LIMCH1: variants seen among roughly 807,000 people sequenced by gnomAD.
The protein encoded by LIMCH1 is LIM and calponin homology domains 1.
A neutral mutation model predicts 176.5 loss-of-function variants in LIMCH1; 113 were observed. The observed-to-expected ratio is 0.64, with a 90% CI of 0.55 to 0.75. LIMCH1 has a LOEUF of 0.75. Ranked by LOEUF, LIMCH1 falls within the 30% of genes least tolerant of loss-of-function variation. The pLI, the probability that LIMCH1 is intolerant of heterozygous loss-of-function variation, is 0.00. For missense variants in LIMCH1, 1,674 were observed against 1,814.9 expected (o/e 0.92, Z 1.41); for synonymous variants, 619 against 645.9 (o/e 0.96, Z 0.63).
At chr4:41,609,132 G>A (rs2091110729) in intron 4 of LIMCH1, among the ~76,000 whole-genome samples, 1 of 152,182 alleles carries the variant, frequency 6.6e-6, no homozygotes, top group African/African-American at 2.4e-5. Context: ...GGGGTGAGGG[G>A]TATTACAGGA....
chr4:41,540,858 CG>C (rs747212566), intron 1 of LIMCH1, among the ~76,000 whole-genome samples: 2 of 152,206 alleles, frequency 1.3e-5, no homozygotes, highest in Non-Finnish European at 2.9e-5. Flanking sequence ...CCCTGATGGA[CG>C]CTGCAGTTGA....
At chr4:41,489,652 G>C (rs1340602352) in intron 1 of LIMCH1, among the ~76,000 whole-genome samples, 3 of 151,750 alleles carry the variant, frequency 2.0e-5, no homozygotes, top group Admixed American at 2.0e-4. Flanking sequence ...AACATATTTT[G>C]TATGAATTCT....
intron 1 of LIMCH1, among the ~76,000 whole-genome samples, chr4:41,471,107 T>G (rs1045088615): frequency 6.6e-6 from 1 of 151,942 alleles, no homozygotes; most frequent in African/African-American, 2.4e-5. Flanking sequence ...GTAGAAATCT[T>G]AAAATAGTCA....
chr4:41,422,161 G>T (rs553271484), intron 1 of LIMCH1, among the ~76,000 whole-genome samples: 1 of 152,034 alleles, frequency 6.6e-6, no homozygotes, highest in Non-Finnish European at 1.5e-5. Flanking sequence ...GCTGTCATTC[G>T]TCAAATATAC....
At chr4:41,476,768 G>A (rs529172682) in intron 1 of LIMCH1, among the ~76,000 whole-genome samples, 1 of 152,272 alleles carries the variant, frequency 6.6e-6, no homozygotes, top group African/African-American at 2.4e-5. Context: ...AGGGGACTGA[G>A]TTGTATATAG....
At chr4:41,682,269 G>A in intron 25 of LIMCH1, 64 bp from the exon 26 acceptor site, 2 of 1,234,616 alleles carry the variant, frequency 1.6e-6, no homozygotes, top group Non-Finnish European at 2.2e-6. Flanking sequence ...TCCCTGGCCA[G>A]AGATAAGGGT....
At chr4:41,540,337 C>T (rs1312746806) in intron 1 of LIMCH1, among the ~76,000 whole-genome samples, 1 of 151,974 alleles carries the variant, frequency 6.6e-6, no homozygotes, top group Non-Finnish European at 1.5e-5. Flanking sequence ...AAATTTGGGA[C>T]CCTTTGAGAT....
intron 7 of LIMCH1, among the ~76,000 whole-genome samples, chr4:41,621,101 G>C (rs556404031): frequency 6.6e-6 from 1 of 152,264 alleles, no homozygotes; most frequent in African/African-American, 2.4e-5. Flanking sequence ...TTGAAATGGG[G>C]AACACTCTCT....
intron 2 of LIMCH1, among the ~76,000 whole-genome samples, chr4:41,603,613 T>C (rs2090286543): frequency 6.6e-6 from 1 of 152,238 alleles, no homozygotes; most frequent in Admixed American, 6.5e-5. Context: ...GATCGGACTT[T>C]TTCTATTTCC....
At chr4:41,554,378 A>G (rs1203494139) in intron 1 of LIMCH1, among the ~76,000 whole-genome samples, 1 of 152,166 alleles carries the variant, frequency 6.6e-6, no homozygotes, top group East Asian at 1.9e-4. Context: ...CTGGTTGGCA[A>G]TGCCAGGCAT....
Position 41,392,410 on chromosome 4 carries a change from A to G in LIMCH1, c.96+31474A>G, listed in dbSNP as rs567830294. On this transcript the variant is annotated intron_variant, in intron 1 of 26. Coordinates refer to the LIMCH1 transcript ENST00000313860. ...GAAGTGAGAAAAAGAGCCACATCAG[A>G]CAAACTCAATGGATATTTTGGAGAA... Among the ~76,000 whole-genome samples, 8 of 152,342 alleles carry G rather than the reference A, an allele frequency of 5.3e-5. No homozygotes were observed. In the South Asian group the frequency reaches 1.5e-3, roughly 28 times the overall value.
rs76250190 is a variant in LIMCH1 at position 41,547,010 on chromosome 4, C to T, written c.-241+8660C>T. Among the ~76,000 whole-genome samples, 1,060 of 152,052 alleles carry T rather than the reference C, an allele frequency of 7.0e-3. 18 individuals are homozygous for T. Among genetic ancestry groups the T allele is most frequent in the African/African-American group, 0.024 (1,002 of 41,472 alleles). Reference sequence around the variant, plus strand: ...TCTTCCTATTATCCTTTTTTGTAAACAATGTTTATTTTATTTTTAATTGAC... The same window carrying T: ...TCTTCCTATTATCCTTTTTTGTAAATAATGTTTATTTTATTTTTAATTGAC... On this transcript the variant is annotated intron_variant, in intron 1 of 31. Coordinates refer to ENST00000503057, the MANE Select transcript of LIMCH1 (RefSeq NM_001330672.2).
rs899772234 is a variant in LIMCH1 at position 41,432,338 on chromosome 4, A to G, written c.97-62198A>G. On this transcript the variant is annotated intron_variant, in intron 1 of 26. Coordinates refer to the LIMCH1 transcript ENST00000313860. The stretch of plus-strand genomic sequence containing the variant: ...AAATATGAGTGTGTTGCTGCTCTTG[A>G]TTCCTAACAGAGAACTTTAGAGACC... 2.0e-5 allele frequency among the ~76,000 whole-genome samples: 3 copies of G among 152,208 alleles called. No homozygotes were observed. The East Asian group carries it at 5.8e-4, about 29-fold the overall frequency.
intron 2 of LIMCH1, among the ~76,000 whole-genome samples, chr4:41,520,458 C>G (rs1454518705): frequency 6.6e-6 from 1 of 152,166 alleles, no homozygotes; most frequent in Admixed American, 6.5e-5. Flanking sequence ...AATTAGAGTA[C>G]TACTGCGTGG....
At chr4:41,541,442 C>T (rs948343411) in intron 1 of LIMCH1, among the ~76,000 whole-genome samples, 2 of 152,198 alleles carry the variant, frequency 1.3e-5, no homozygotes, top group Admixed American at 6.5e-5. Context: ...TACCAACTCC[C>T]ATCTGGCTTT....
chr4:41,389,353 A>C (rs896850880), intron 1 of LIMCH1: 3 of 154,722 alleles, frequency 1.9e-5, no homozygotes, highest in Non-Finnish European at 4.3e-5. Context: ...TCATCAAAGC[A>C]CTCAAGAAAC....
chr4:41,486,774 CT>C lies in LIMCH1; in HGVS notation c.97-7755del, dbSNP rs570441380. Among the ~76,000 whole-genome samples the C allele has an allele frequency of 3.1e-4, 47 of 151,972 alleles. No individual in the cohort carries two copies. In the South Asian group the frequency reaches 7.9e-3, roughly 26 times the overall value. On this transcript the variant is annotated intron_variant, in intron 1 of 26. Transcript: ENST00000313860. ...ACTAAGAATCTATGTCTCTTTCTTT[CT>C]TTTTTTCTTTTTTATTTTGAGACAG...
intron 14 of LIMCH1, among the ~76,000 whole-genome samples, chr4:41,644,082 A>C (rs765278598): frequency 6.6e-6 from 1 of 152,002 alleles, no homozygotes; most frequent in Non-Finnish European, 1.5e-5. Flanking sequence ...TTCATGGAAC[A>C]CCGCCCTCTT....
intron 1 of LIMCH1, among the ~76,000 whole-genome samples, chr4:41,560,966 A>G (rs2081990440): frequency 6.6e-6 from 1 of 151,616 alleles, no homozygotes; most frequent in African/African-American, 2.4e-5. Context: ...GCCGTGAGCC[A>G]TGATTACAGC....
Sources: gnomAD v4.1 joint callset for allele counts (sites outside exome capture counted in the v4.1 genomes callset) on GRCh38, gnomAD v4.1.1 for gene constraint, MANE v1.5 for transcripts, NCBI Gene and HGNC (gene_info 2026-07-23, HGNC 2026-07-21) for gene names.